The following APBB1 variants were observed in gnomAD, a reference collection of about 807,000 sequenced individuals.
The protein encoded by APBB1 is amyloid beta precursor protein binding family B member 1.
In APBB1, 22 loss-of-function variants were observed where a neutral mutation model predicts 78.4. The observed-to-expected ratio is 0.28, with a 90% CI of 0.20 to 0.40. The LOEUF is 0.40. Ranked by LOEUF, APBB1 falls within the 10% of genes least tolerant of loss-of-function variation. The pLI is 1.00. For synonymous variants in APBB1, 369 were observed against 372.7 expected (o/e 0.99, Z 0.12); for missense variants, 749 against 932.4 (o/e 0.80, Z 2.56).
chr11:6,405,199 C>CT, intron 2 of APBB1: 1 of 1,106,196 alleles, frequency 9.0e-7, no homozygotes, highest in East Asian at 6.1e-5. Context: ...AATACCCCAG[C>CT]TGCCTGGGGC....
intron 1 of APBB1, among the ~76,000 whole-genome samples, chr11:6,413,036 C>T (rs1245325597): frequency 6.6e-6 from 1 of 152,078 alleles, no homozygotes; most frequent in Admixed American, 6.6e-5. Flanking sequence ...CCATCCTCCC[C>T]ACTCTCCCTG....
At chr11:6,408,676 G>C (rs1425159206) in intron 2 of APBB1, among the ~76,000 whole-genome samples, 1 of 152,016 alleles carries the variant, frequency 6.6e-6, no homozygotes, top group Admixed American at 6.6e-5. Flanking sequence ...AGCTAATTTT[G>C]TATTTTTAGT....
In APBB1 at chr11:6,403,823, C is replaced by T; in HGVS notation, c.722-1G>A. ...AAGGCGTTGGGGTTCCAGAAGGAAT[C>T]TGCCAGGTGGGAGGCTTGGTGAGGG... On this transcript the variant is annotated splice_acceptor_variant, in intron 2 of 14. Coordinates refer to ENST00000609360, the MANE Select transcript of APBB1 (RefSeq NM_001164.5). LOFTEE classifies it high-confidence loss of function. The surrounding 1 kb of genome is among the most constrained non-coding windows in gnomAD (Gnocchi z 5.3). 6.5e-7 allele frequency: 1 copy of T among 1,540,268 alleles called. No homozygotes were observed. Among genetic ancestry groups the T allele is most frequent in the Non-Finnish European group, 8.8e-7 (1 of 1,141,950 alleles).
chr11:6,395,294 G>C lies in APBB1; in HGVS notation c.*240C>G. 2.4e-6 allele frequency: 1 copy of C among 413,248 alleles called. No homozygotes were observed. The highest frequency in any genetic ancestry group is 4.3e-6 in the Non-Finnish European group (1 of 234,296). 25.6% of individuals were successfully genotyped at this position (413,248 alleles called of 1,614,324 possible). A position where few individuals can be genotyped will look rare whatever the true frequency, so the allele number is the denominator to read the frequency against. ...TCCTGTTCCACCTGAAACACATGGG[G>C]ATGGAGAACCAGGGCTGGCCTTGCT... On this transcript the variant is annotated 3_prime_UTR_variant, in exon 15 of 15. Transcript: ENST00000609360. The surrounding 1 kb of genome is among the most constrained non-coding windows in gnomAD (Gnocchi z 5.2).
intron 1 of APBB1, among the ~76,000 whole-genome samples, chr11:6,412,203 A>T (rs1183496911): frequency 1.3e-5 from 2 of 152,092 alleles, no homozygotes; most frequent in African/African-American, 4.8e-5. Context: ...CCCAGGCTGG[A>T]GTGCAATGGC....
chr11:6,404,514 C>A, intron 2 of APBB1: 1 of 1,445,442 alleles, frequency 6.9e-7, no homozygotes, highest in Non-Finnish European at 9.3e-7. Flanking sequence ...CACGTCAAAC[C>A]CTGCCAAATG....
intron 1 of APBB1, among the ~76,000 whole-genome samples, chr11:6,415,497 G>T (rs769541466): frequency 5.9e-5 from 9 of 152,184 alleles, no homozygotes; most frequent in Non-Finnish European, 1.2e-4. Context: ...ACAGTGCCTG[G>T]CACCCATAGC....
Position 6,395,367 on chromosome 11 carries a change from A to G in APBB1, c.*167T>C. ...CCAGTGTTATCACTTCCTTGAAGGGATTAGATCTCTCCCTCCCCAGCTCCT... is the reference window on the plus strand; with the variant it reads ...CCAGTGTTATCACTTCCTTGAAGGGGTTAGATCTCTCCCTCCCCAGCTCCT... On this transcript the variant is annotated 3_prime_UTR_variant, in exon 15 of 15. Coordinates refer to ENST00000609360, the MANE Select transcript of APBB1 (RefSeq NM_001164.5). The surrounding 1 kb of genome is among the most constrained non-coding windows in gnomAD (Gnocchi z 5.2). 1 of 689,594 alleles carries G rather than the reference A, an allele frequency of 1.5e-6. No individual in the cohort carries two copies. The highest frequency in any genetic ancestry group is 2.3e-6 in the Non-Finnish European group (1 of 440,388). 42.7% of individuals were successfully genotyped at this position (689,594 alleles called of 1,614,324 possible).
At chr11:6,417,376 A>G (rs1048943607) in intron 1 of APBB1, among the ~76,000 whole-genome samples, 6 of 152,168 alleles carry the variant, frequency 3.9e-5, no homozygotes, top group Admixed American at 6.5e-5. Flanking sequence ...TCAAGGCACC[A>G]TACAGCTTTT....
rs1268752691 is a variant in APBB1 at position 6,401,077 on chromosome 11, G to A, written c.1589-5C>T. Reference sequence around the variant, plus strand: ...TCTTAGGCGCTGGGAATTCCACTATGGGAAAGAAGAGAAGGTTGATCATGG... The same window carrying A: ...TCTTAGGCGCTGGGAATTCCACTATAGGAAAGAAGAGAAGGTTGATCATGG... On this transcript the variant is annotated splice_region_variant and splice_polypyrimidine_tract_variant and intron_variant, in intron 11 of 14. Transcript: ENST00000609360. The surrounding 1 kb of genome is among the most constrained non-coding windows in gnomAD (Gnocchi z 4.5). 6.2e-7 allele frequency: 1 copy of A among 1,614,070 alleles called. No homozygotes were observed. The highest frequency in any genetic ancestry group is 8.5e-7 in the Non-Finnish European group (1 of 1,180,012).
intron 12 of APBB1, 180 bp from the exon 13 acceptor site, chr11:6,396,395 C>CACTA: frequency 1.7e-6 from 1 of 575,876 alleles, no homozygotes; most frequent in Non-Finnish European, 3.0e-6. Flanking sequence ...CCCCTGGCTT[C>CACTA]AGTAACTGGA....
chr11:6,407,656 T>C (rs1229337062), intron 2 of APBB1, among the ~76,000 whole-genome samples: 2 of 152,078 alleles, frequency 1.3e-5, no homozygotes, highest in Admixed American at 6.6e-5. Context: ...ATCCCAAAAA[T>C]AATCAGCTGG....
At chr11:6,402,421 C>A in intron 7 of APBB1, 155 bp downstream of exon 7, 1 of 1,096,844 alleles carries the variant, frequency 9.1e-7, no homozygotes, top group Admixed American at 2.3e-5. Context: ...AAGGTCCTGG[C>A]CTGGGGTCGC....
rs745685977 is a variant in APBB1 at position 6,402,176 on chromosome 11, T to C, written c.1288A>G (p.Thr430Ala). 6.2e-7 allele frequency: 1 copy of C among 1,614,030 alleles called. No homozygotes were observed. The highest frequency in any genetic ancestry group is 8.5e-7 in the Non-Finnish European group (1 of 1,179,998). Residue 430 changes from threonine to alanine, a missense_variant, in exon 8 of 15, where the codon ACA becomes GCA. Coordinates refer to ENST00000609360, the MANE Select transcript of APBB1 (RefSeq NM_001164.5). The part of the protein sequence containing the change: ...KDLLLQLEDE[T>A]LKLVEPQSQA... ...CTCTGTGGCTCCACTAGCTTTAGTGTCTCATCCTCCAGCTGCAGTAGCAGA... is the reference window on the plus strand; with the variant it reads ...CTCTGTGGCTCCACTAGCTTTAGTGCCTCATCCTCCAGCTGCAGTAGCAGA...
At chr11:6,416,889 A>C (rs1849133182) in intron 1 of APBB1, among the ~76,000 whole-genome samples, 1 of 152,058 alleles carries the variant, frequency 6.6e-6, no homozygotes, top group Non-Finnish European at 1.5e-5. Flanking sequence ...TTACAGGCAC[A>C]CACCACCATG....
At chr11:6,402,753 G>A (rs1009602915) in intron 6 of APBB1, 28 bp from the exon 7 acceptor site, 76 of 1,613,346 alleles carry the variant, frequency 4.7e-5, no homozygotes, top group Non-Finnish European at 6.1e-5. Context: ...GGGGCAGGAG[G>A]TAGAGGATCT....
At chr11:6,412,685 G>C (rs1590790582) in intron 1 of APBB1, among the ~76,000 whole-genome samples, 1 of 152,156 alleles carries the variant, frequency 6.6e-6, no homozygotes, top group African/African-American at 2.4e-5. Flanking sequence ...GTTAAATACA[G>C]TATGCCTAGT....
intron 2 of APBB1, among the ~76,000 whole-genome samples, chr11:6,404,446 C>A (rs1233017108): frequency 1.4e-4 from 22 of 152,260 alleles, no homozygotes; most frequent in South Asian, 2.1e-4. Flanking sequence ...ACCACAATGG[C>A]CCCAACACAC....
In APBB1 at chr11:6,403,613, C is replaced by A. The variant is rs759578785; in HGVS notation, c.897+34G>T. 1 of 1,613,056 alleles carries A rather than the reference C, an allele frequency of 6.2e-7. No homozygotes were observed. The highest frequency in any genetic ancestry group is 1.6e-4 in the Middle Eastern group (1 of 6,068). On this transcript the variant is annotated intron_variant, in intron 3 of 14. Coordinates refer to ENST00000609360, the MANE Select transcript of APBB1 (RefSeq NM_001164.5). The surrounding 1 kb of genome is among the most constrained non-coding windows in gnomAD (Gnocchi z 5.3). ...TCCAGCAGCACACACTCCCTCCACC[C>A]CTGGCCCAAAATCAACAGGCCTGTG...
Sources: allele counts gnomAD v4.1 joint callset (sites outside exome capture counted in the v4.1 genomes callset), GRCh38; gene constraint gnomAD v4.1.1; non-coding constraint Gnocchi (gnomAD v3.1); transcripts MANE v1.5; gene names NCBI Gene and HGNC (gene_info 2026-07-23, HGNC 2026-07-21).